The following PARD3B variants were observed in gnomAD, a reference collection of about 807,000 sequenced individuals.
The protein encoded by PARD3B is par-3 family cell polarity regulator beta.
PARD3B carries 103 observed loss-of-function variants against 130.2 expected under a neutral mutation model. The observed-to-expected ratio is 0.79, with a 90% CI of 0.67 to 0.93. PARD3B has a LOEUF of 0.93. Ranked by LOEUF, PARD3B falls within the 40% of genes least tolerant of loss-of-function variation. PARD3B has a pLI of 0.00. For missense variants in PARD3B, 1,609 were observed against 1,499.2 expected (o/e 1.07, Z -1.21); for synonymous variants, 583 against 553.2 (o/e 1.05, Z -0.76).
chr2:204,625,069 G>T (rs578244208), intron 1 of PARD3B, among the ~76,000 whole-genome samples: 1 of 152,020 alleles, frequency 6.6e-6, no homozygotes, highest in African/African-American at 2.4e-5. Flanking sequence ...ATTGGCTTTT[G>T]TTTTCTACGG....
chr2:204,805,925 A>G (rs1218200981), intron 2 of PARD3B, among the ~76,000 whole-genome samples: 1 of 152,056 alleles, frequency 6.6e-6, no homozygotes, highest in African/African-American at 2.4e-5. Context: ...ACACAATAAA[A>G]GCCACATATG....
intron 2 of PARD3B, among the ~76,000 whole-genome samples, chr2:204,876,502 C>T (rs1409757100): frequency 6.6e-6 from 1 of 152,162 alleles, no homozygotes; most frequent in Non-Finnish European, 1.5e-5. Context: ...GACAGACACC[C>T]CATGCTACTC....
chr2:204,841,090 A>G (rs1013196029), intron 2 of PARD3B, among the ~76,000 whole-genome samples: 1 of 152,174 alleles, frequency 6.6e-6, no homozygotes, highest in Non-Finnish European at 1.5e-5. Context: ...CACATTGGCA[A>G]GGACAACACA....
chr2:205,494,947 T>C (rs1202312918), intron 20 of PARD3B, among the ~76,000 whole-genome samples: 1 of 152,196 alleles, frequency 6.6e-6, no homozygotes, highest in East Asian at 1.9e-4. Flanking sequence ...AAATGTTGTC[T>C]TTAGGACATC....
At chr2:204,693,093 T>A (rs934381282) in intron 2 of PARD3B, among the ~76,000 whole-genome samples, 1 of 152,044 alleles carries the variant, frequency 6.6e-6, no homozygotes, top group Admixed American at 6.6e-5. Flanking sequence ...TCCATTGACA[T>A]CCTTGTTTTT....
intron 1 of PARD3B, among the ~76,000 whole-genome samples, chr2:204,670,921 A>G (rs1035071540): frequency 1.3e-5 from 2 of 152,202 alleles, no homozygotes; most frequent in African/African-American, 4.8e-5. Context: ...AGTTAAAACC[A>G]TCAAAAATCT....
intron 20 of PARD3B, among the ~76,000 whole-genome samples, chr2:205,493,755 T>G (rs146823195): frequency 0.037 from 5,499 of 146,940 alleles, 140 homozygotes; most frequent in Middle Eastern, 0.045. Flanking sequence ...TATTTATTTA[T>G]TTATTTATTT....
intron 12 of PARD3B, among the ~76,000 whole-genome samples, chr2:205,175,566 C>G (rs2035420847): frequency 6.6e-6 from 1 of 152,194 alleles, no homozygotes; most frequent in African/African-American, 2.4e-5. Context: ...CAGAAGAGCT[C>G]TGGGAATCAG....
intron 19 of PARD3B, among the ~76,000 whole-genome samples, chr2:205,429,173 G>A (rs1452527722): frequency 1.3e-5 from 2 of 152,018 alleles, no homozygotes; most frequent in Non-Finnish European, 2.9e-5. Flanking sequence ...ATATATTATG[G>A]ACTTACATAA....
chr2:204,940,863 G>A (rs1261907841), intron 2 of PARD3B, among the ~76,000 whole-genome samples: 3 of 152,054 alleles, frequency 2.0e-5, no homozygotes, highest in Non-Finnish European at 4.4e-5. Context: ...CTGTCAATAA[G>A]ATAGTGTCCT....
At position 205,129,805 on chromosome 2, in the gene PARD3B, A is replaced by G. The variant is rs574651519; in HGVS notation, c.1434+4068A>G. On this transcript the variant is annotated intron_variant, in intron 10 of 22. Coordinates refer to ENST00000406610, the MANE Select transcript of PARD3B (RefSeq NM_001302769.2). ...GGGAGCATGTGGTCAGCAGTTATACAGGAAGTCCCAATATAGAATTGTCTC... is the reference window on the plus strand; with the variant it reads ...GGGAGCATGTGGTCAGCAGTTATACGGGAAGTCCCAATATAGAATTGTCTC... Among the ~76,000 whole-genome samples the G allele has an allele frequency of 4.8e-3, 725 of 152,318 alleles. 1 individual carries two copies. The highest frequency in any genetic ancestry group is 7.9e-3 in the Non-Finnish European group (540 of 68,024).
At chr2:205,468,972 T>C (rs890750014) in intron 20 of PARD3B, among the ~76,000 whole-genome samples, 1 of 152,018 alleles carries the variant, frequency 6.6e-6, no homozygotes, top group African/African-American at 2.4e-5. Flanking sequence ...TCTATCTTTT[T>C]TTTTTTTTCT....
At chr2:204,699,856 C>G (rs935866225) in intron 2 of PARD3B, among the ~76,000 whole-genome samples, 13 of 151,998 alleles carry the variant, frequency 8.6e-5, no homozygotes, top group African/African-American at 3.1e-4. Flanking sequence ...TAACAGAGAC[C>G]AATCTGAGAT....
At chr2:205,538,576 A>C (rs2051973354) in intron 21 of PARD3B, among the ~76,000 whole-genome samples, 1 of 152,166 alleles carries the variant, frequency 6.6e-6, no homozygotes, top group Admixed American at 6.5e-5. Flanking sequence ...CACTTTCATA[A>C]GAGAAAGTAA....
At chr2:204,615,010 G>A (rs55775811) in intron 1 of PARD3B, among the ~76,000 whole-genome samples, 7,789 of 152,196 alleles carry the variant, frequency 0.051, 539 homozygotes, top group African/African-American at 0.15. Context: ...TTCCAAGACA[G>A]AATTTATTAA....
chr2:205,362,081 G>A (rs1287102124), intron 18 of PARD3B, among the ~76,000 whole-genome samples: 1 of 151,984 alleles, frequency 6.6e-6, no homozygotes, highest in African/African-American at 2.4e-5. Context: ...CTAACCTATA[G>A]CCCTGGGCTT....
intron 1 of PARD3B, among the ~76,000 whole-genome samples, chr2:204,560,643 G>A (rs935314558): frequency 3.9e-5 from 6 of 152,178 alleles, no homozygotes; most frequent in African/African-American, 1.4e-4. Flanking sequence ...GAAGGAGGAG[G>A]TTGGGGAGAA....
rs1559152216 is a variant in PARD3B at position 204,553,631 on chromosome 2, GATATATATTTATATATAT to G, written c.120+7513_120+7530del. Among the ~76,000 whole-genome samples, 268 of 68,850 alleles carry G rather than the reference GATATATATTTATATATAT, an allele frequency of 3.9e-3. 1 individual carries two copies. The highest frequency in any genetic ancestry group is 0.016 in the African/African-American group (253 of 15,702). 45.2% of individuals were successfully genotyped at this position (68,850 alleles called of 152,430 possible). On this transcript the variant is annotated intron_variant, in intron 1 of 22. Coordinates refer to ENST00000406610, the MANE Select transcript of PARD3B (RefSeq NM_001302769.2). ...ATATATGGCTATATACATATATATG[GATATATATTTATATATAT>G]CCATATATATATATATATATATATA...
chr2:204,588,774 T>C (rs1167149823), intron 1 of PARD3B, among the ~76,000 whole-genome samples: 1 of 152,192 alleles, frequency 6.6e-6, no homozygotes, highest in Non-Finnish European at 1.5e-5. Context: ...AATCTTTTTA[T>C]TAGAATCATA....
Sources: allele counts gnomAD v4.1 joint callset (sites outside exome capture counted in the v4.1 genomes callset), GRCh38; gene constraint gnomAD v4.1.1; transcripts MANE v1.5; gene names NCBI Gene and HGNC (gene_info 2026-07-23, HGNC 2026-07-21).